WT1: variants seen among roughly 807,000 people sequenced by gnomAD.
WT1 encodes WT1 transcription factor.
In WT1, 8 loss-of-function variants were observed where a neutral mutation model predicts 60.8. The observed-to-expected ratio is 0.13, with a 90% CI of 0.08 to 0.24. The LOEUF (loss-of-function observed/expected upper bound fraction) is 0.24, where lower values mean the gene tolerates loss of function less well. Ranked by LOEUF, WT1 falls within the 10% of genes least tolerant of loss-of-function variation. The probability of loss-of-function intolerance (pLI) is 1.00; values close to 1 mark genes in which losing one functional copy is unlikely to be tolerated. For synonymous variants in WT1, 312 were observed against 297.1 expected (o/e 1.05, Z -0.52); for missense variants, 568 against 711.8 (o/e 0.80, Z 2.30).
chr11:32,392,453 C>T (rs1487713164), intron 8 of WT1, among the ~76,000 whole-genome samples: 1 of 152,154 alleles, frequency 6.6e-6, no homozygotes, highest in Non-Finnish European at 1.5e-5. Flanking sequence ...TCTCACTGTT[C>T]TGTGGTTTGC....
Position 32,435,387 on chromosome 11 carries a change from C to CGGGAGCCT in WT1, c.-28_-27insAGGCTCCC. ...ATCGCGGCGAGGAGACGGCGGGGCC[C>CGGGAGCCT]GGGCGCCTGGGCTGCCGTCCCGGCT... On this transcript the variant is annotated 5_prime_UTR_variant, in exon 1 of 10. Coordinates refer to ENST00000452863, the MANE Select transcript of WT1 (RefSeq NM_024426.6). 8.1e-7 allele frequency: 1 copy of CGGGAGCCT among 1,227,246 alleles called. No homozygotes were observed. The highest frequency in any genetic ancestry group is 6.4e-5 in the East Asian group (1 of 15,632). The allele number at this position is 1,227,246 out of a possible 1,614,324, so 76.0% of individuals were successfully genotyped here.
At chr11:32,428,093 G>T (rs769131510) in intron 2 of WT1, 35 bp from the exon 3 acceptor site, 2 of 1,554,248 alleles carry the variant, frequency 1.3e-6, no homozygotes, top group Admixed American at 1.9e-5. Flanking sequence ...GAGCGAGTGC[G>T]CCCCAAGGGC....
At chr11:32,417,715 T>C (rs2133038244) in intron 3 of WT1, 61 bp from the exon 4 acceptor site, 1 of 1,447,790 alleles carries the variant, frequency 6.9e-7, no homozygotes, top group Admixed American at 1.7e-5. Flanking sequence ...CAACTGTTTC[T>C]TCAAAAGCAA....
At chr11:32,408,394 A>T (rs1219213998) in intron 5 of WT1, among the ~76,000 whole-genome samples, 1 of 151,570 alleles carries the variant, frequency 6.6e-6, no homozygotes, top group Non-Finnish European at 1.5e-5. Flanking sequence ...GGGCACCTGT[A>T]GTCCCAGCTA....
At chr11:32,430,440 GA>G in intron 1 of WT1, 1 of 1,367,752 alleles carries the variant, frequency 7.3e-7, no homozygotes, top group Non-Finnish European at 9.9e-7. Flanking sequence ...CACAGAGAGA[GA>G]GAGAGAGAGG....
intron 7 of WT1, 49 bp downstream of exon 7, chr11:32,396,208 G>T: frequency 6.2e-7 from 1 of 1,613,180 alleles, no homozygotes; most frequent in Non-Finnish European, 8.5e-7. Context: ...GCCTGGAAAA[G>T]GAGCTCTTGA....
intron 5 of WT1, 60 bp downstream of exon 5, chr11:32,416,430 C>G: frequency 6.2e-7 from 1 of 1,609,574 alleles, no homozygotes; most frequent in South Asian, 1.1e-5. Context: ...TGCATTGCCC[C>G]AGGTGCCAGT....
At chr11:32,404,003 G>C (rs536904187) in intron 5 of WT1, among the ~76,000 whole-genome samples, 16 of 152,136 alleles carry the variant, frequency 1.1e-4, no homozygotes, top group African/African-American at 3.9e-4. Context: ...GCCGGACATG[G>C]TGGCTCACGC....
At chr11:32,427,581 C>G (rs893528858) in intron 3 of WT1, among the ~76,000 whole-genome samples, 1 of 152,254 alleles carries the variant, frequency 6.6e-6, no homozygotes, top group Admixed American at 6.5e-5. Flanking sequence ...GTAGTCTGGC[C>G]GGTGTGGCCA....
chr11:32,399,493 G>A (rs1197527313), intron 6 of WT1, among the ~76,000 whole-genome samples: 1 of 152,160 alleles, frequency 6.6e-6, no homozygotes, highest in Non-Finnish European at 1.5e-5. Flanking sequence ...TTAGCACAAT[G>A]CCTAGTATAT....
At chr11:32,416,592 G>A (rs2234586) in intron 4 of WT1, 52 bp from the exon 5 acceptor site, 1 of 1,608,722 alleles carries the variant, frequency 6.2e-7, no homozygotes, top group Non-Finnish European at 8.5e-7. Flanking sequence ...CATGGATCTG[G>A]CAAGCCCCCC....
At chr11:32,402,180 C>T (rs1202649362) in intron 5 of WT1, among the ~76,000 whole-genome samples, 1 of 152,218 alleles carries the variant, frequency 6.6e-6, no homozygotes, top group African/African-American at 2.4e-5. Context: ...TCTAACCTAC[C>T]ATATCTTGTC....
At chr11:32,409,740 C>T (rs1249461695) in intron 5 of WT1, among the ~76,000 whole-genome samples, 1 of 152,096 alleles carries the variant, frequency 6.6e-6, no homozygotes, top group Admixed American at 6.5e-5. Flanking sequence ...GCCACCGAGC[C>T]TGGCAGAAAG....
chr11:32,420,310 A>G (rs1288008788), intron 3 of WT1, among the ~76,000 whole-genome samples: 1 of 152,200 alleles, frequency 6.6e-6, no homozygotes, highest in African/African-American at 2.4e-5. Flanking sequence ...CATTGAGCAA[A>G]TCAGTTCAGC....
chr11:32,401,948 A>C (rs1852171268), intron 5 of WT1, among the ~76,000 whole-genome samples: 1 of 152,176 alleles, frequency 6.6e-6, no homozygotes, highest in African/African-American at 2.4e-5. Flanking sequence ...GGTCCTGGGC[A>C]GGGAGGCAGG....
intron 6 of WT1, among the ~76,000 whole-genome samples, 167 bp downstream of exon 6, chr11:32,399,781 C>T (rs1303595093): frequency 6.6e-6 from 1 of 152,212 alleles, no homozygotes; most frequent in Admixed American, 6.5e-5. Context: ...AGGACACAGC[C>T]GCCTTATCAG....
Position 32,435,080 on chromosome 11 carries a change from C to A in WT1, c.281G>T (p.Gly94Val). 2 of 1,492,268 alleles carry A rather than the reference C, an allele frequency of 1.3e-6. No homozygotes were observed. Among genetic ancestry groups the A allele is most frequent in the East Asian group, 2.7e-5 (1 of 36,650 alleles). 92.4% of individuals were successfully genotyped at this position (1,492,268 alleles called of 1,614,324 possible). ...GCTCACAGGCAGGGCACAGCCGCCG[C>A]CGCCACCCAGGGAGGGGACGGCGGG... The change falls in exon 1 of 10, where the codon GGC becomes GTC. Residue 94 changes from glycine to valine, a missense_variant. Around this residue, in one of 3 missense-constraint regions of WT1, gnomAD observed 523 missense variants for 565.1 expected, o/e 0.93. Coordinates refer to ENST00000452863, the MANE Select transcript of WT1 (RefSeq NM_024426.6).
chr11:32,408,510 G>A (rs1260280186), intron 5 of WT1, among the ~76,000 whole-genome samples: 5 of 72,574 alleles, frequency 6.9e-5, no homozygotes, highest in South Asian at 5.7e-4. Context: ...AGGAGACTAC[G>A]TCTTAAAAAA....
In WT1 at chr11:32,433,659, T is replaced by G. The variant is rs574567853; in HGVS notation, c.661+1041A>C. On this transcript the variant is annotated intron_variant, in intron 1 of 9. Transcript: ENST00000452863. ...GGTTCTCAATAGCGTGGAAATCCACTGAAAATAAATGAAGAGGGCAAACTA... is the reference window on the plus strand; with the variant it reads ...GGTTCTCAATAGCGTGGAAATCCACGGAAAATAAATGAAGAGGGCAAACTA... Among the ~76,000 whole-genome samples the G allele has an allele frequency of 2.0e-5, 3 of 152,344 alleles. No homozygotes were observed. In the South Asian group the frequency reaches 6.2e-4, roughly 32 times the overall value.
Sources: allele counts gnomAD v4.1 joint callset (sites outside exome capture counted in the v4.1 genomes callset), GRCh38; gene constraint gnomAD v4.1.1; regional missense constraint gnomAD v4.1.1; transcripts MANE v1.5; gene names NCBI Gene and HGNC (gene_info 2026-07-23, HGNC 2026-07-21).